The following MYO16 variants were observed in gnomAD, a reference collection of about 807,000 sequenced individuals.
MYO16 encodes unconventional myosin-XVI.
Under a neutral mutation model 205.3 loss-of-function variants are expected in MYO16, and 94 were observed. That is an observed-to-expected ratio of 0.46 (90% CI 0.39 to 0.54). The LOEUF (loss-of-function observed/expected upper bound fraction) is 0.54, where lower values mean the gene tolerates loss of function less well. Ranked by LOEUF, MYO16 falls within the 20% of genes least tolerant of loss-of-function variation. The pLI is 0.00. For synonymous variants in MYO16, 988 were observed against 954.0 expected, an observed-to-expected ratio of 1.04 and a Z score of -0.66; for missense variants, 2,315 against 2,387.5, an observed-to-expected ratio of 0.97 and a Z score of 0.63.
intron 4 of MYO16, among the ~76,000 whole-genome samples, chr13:108,776,479 C>A (rs1349975122): frequency 6.6e-6 from 1 of 152,184 alleles, no homozygotes; most frequent in African/African-American, 2.4e-5. Flanking sequence ...GCGGCTCAAG[C>A]TTTGCCATAG....
chr13:108,974,853 T>C (rs1338747033), intron 20 of MYO16, among the ~76,000 whole-genome samples: 3 of 152,200 alleles, frequency 2.0e-5, no homozygotes, highest in African/African-American at 7.2e-5. Flanking sequence ...ACTTTGTTTA[T>C]AAAATATTCT....
intron 2 of MYO16, among the ~76,000 whole-genome samples, chr13:108,693,211 G>A (rs1442136983): frequency 6.6e-6 from 1 of 152,098 alleles, no homozygotes; most frequent in Non-Finnish European, 1.5e-5. Flanking sequence ...GGGAATTGTG[G>A]CTCTTTATGG....
chr13:108,894,250 T>A (rs1880309262), intron 14 of MYO16, among the ~76,000 whole-genome samples: 1 of 152,156 alleles, frequency 6.6e-6, no homozygotes, highest in South Asian at 2.1e-4. Context: ...CATGTGGGGA[T>A]TACAATTCGA....
At chr13:108,863,713 G>A (rs535102197) in intron 11 of MYO16, among the ~76,000 whole-genome samples, 1 of 152,176 alleles carries the variant, frequency 6.6e-6, no homozygotes, top group Non-Finnish European at 1.5e-5. Flanking sequence ...AAAATGGGAA[G>A]TGTTCCTTTT....
chr13:108,839,739 C>T (rs1877133830), intron 9 of MYO16, among the ~76,000 whole-genome samples: 2 of 152,178 alleles, frequency 1.3e-5, no homozygotes, highest in South Asian at 4.1e-4. Context: ...TCCTCCTCCT[C>T]ACTACATGGA....
At chr13:109,173,387 T>A (rs1222274874) in intron 33 of MYO16, among the ~76,000 whole-genome samples, 2 of 152,040 alleles carry the variant, frequency 1.3e-5, no homozygotes, top group Non-Finnish European at 2.9e-5. Context: ...AAGAGATGAG[T>A]CTGGTGGGCT....
chr13:109,156,856 G>A (rs921464185), intron 32 of MYO16, among the ~76,000 whole-genome samples: 14 of 152,156 alleles, frequency 9.2e-5, no homozygotes, highest in Admixed American at 6.5e-4. Context: ...CCTCACACTC[G>A]AGAGTGTCTC....
intron 10 of MYO16, among the ~76,000 whole-genome samples, chr13:108,848,965 A>C (rs1296207156): frequency 6.6e-6 from 1 of 150,534 alleles, no homozygotes; most frequent in African/African-American, 2.5e-5. Flanking sequence ...TGTGTGCACG[A>C]GCACACAGAT....
chr13:108,586,916 C>T, the MYO16 span, among the ~76,000 whole-genome samples: 1 of 152,126 alleles, frequency 6.6e-6, no homozygotes, highest in Admixed American at 6.6e-5. Flanking sequence ...CAATGAGATC[C>T]CCAGGGAATT....
chr13:108,504,213 C>G, the MYO16 span, among the ~76,000 whole-genome samples: 281 of 152,206 alleles, frequency 1.8e-3, no homozygotes, highest in African/African-American at 6.0e-3. Flanking sequence ...CCTTCGCCTC[C>G]GGGGTTTAAG....
the MYO16 span, among the ~76,000 whole-genome samples, chr13:108,508,671 C>G: frequency 7.9e-5 from 12 of 152,134 alleles, no homozygotes; most frequent in African/African-American, 2.9e-4. Context: ...AGTTTTCTCC[C>G]AGCTGTGCTG....
chr13:108,501,620 T>C, the MYO16 span, among the ~76,000 whole-genome samples: 1 of 152,164 alleles, frequency 6.6e-6, no homozygotes, highest in Non-Finnish European at 1.5e-5. Flanking sequence ...AAGCGCCATA[T>C]AGAAAACCAT....
chr13:108,544,395 T>C, the MYO16 span, among the ~76,000 whole-genome samples: 5 of 152,146 alleles, frequency 3.3e-5, no homozygotes, highest in African/African-American at 1.2e-4. Flanking sequence ...ATTTTTAATT[T>C]TCGTGAGCAC....
chr13:108,740,466 A>G (rs141802528), intron 4 of MYO16, among the ~76,000 whole-genome samples: 156 of 152,284 alleles, frequency 1.0e-3, no homozygotes, highest in African/African-American at 3.5e-3. Context: ...GCTGAACAGC[A>G]AATGTTGCTG....
chr13:108,540,044 G>A, the MYO16 span, among the ~76,000 whole-genome samples: 1 of 152,098 alleles, frequency 6.6e-6, no homozygotes. Flanking sequence ...TAATGTAATG[G>A]GAGAAGTATA....
At chr13:109,040,095 C>T (rs1487348815) in intron 23 of MYO16, among the ~76,000 whole-genome samples, 1 of 152,006 alleles carries the variant, frequency 6.6e-6, no homozygotes, top group African/African-American at 2.4e-5. Context: ...ATCAATTCCT[C>T]AAAAAACACA....
At chr13:108,888,260 T>C (rs945095273) in intron 13 of MYO16, 112 bp from the exon 14 acceptor site, 25 of 657,330 alleles carry the variant, frequency 3.8e-5, no homozygotes, top group African/African-American at 3.5e-4. Context: ...CTGAGAAATA[T>C]CTCCAGTTAA....
chr13:109,079,879 C>T (rs1351325351), intron 27 of MYO16, among the ~76,000 whole-genome samples: 6 of 138,422 alleles, frequency 4.3e-5, no homozygotes, highest in Admixed American at 7.2e-5. Flanking sequence ...TTCTTTATTT[C>T]TTTTTTTTTT....
In MYO16 at chr13:108,677,312, CAT is replaced by C. The variant is rs1491282311; in HGVS notation, c.292+11164_292+11165del. Among the ~76,000 whole-genome samples, 3 of 135,136 alleles carry C rather than the reference CAT, an allele frequency of 2.2e-5. No homozygotes were observed. The Admixed American group carries it at 2.2e-4, about 10-fold the overall frequency. The allele number at this position is 135,136 out of a possible 152,430, so 88.7% of individuals were successfully genotyped here. A position where few individuals can be genotyped will look rare whatever the true frequency, so the allele number is the denominator to read the frequency against. On this transcript the variant is annotated intron_variant, in intron 2 of 34. Coordinates refer to ENST00000457511, the MANE Select transcript of MYO16 (RefSeq NM_001198950.3). ...AACTAGAACCCATAAGGTGCACATGCATGTGTGTGTGTGTGTGTGTGTGTATA... is the reference window on the plus strand; with the variant it reads ...AACTAGAACCCATAAGGTGCACATGCGTGTGTGTGTGTGTGTGTGTGTATA...
Sources: allele counts gnomAD v4.1 joint callset (sites outside exome capture counted in the v4.1 genomes callset), GRCh38; gene constraint gnomAD v4.1.1; transcripts MANE v1.5; gene names NCBI Gene and HGNC (gene_info 2026-07-23, HGNC 2026-07-21).